The following TTC7B variants were observed in gnomAD, a reference collection of about 807,000 sequenced individuals.
The protein encoded by TTC7B is tetratricopeptide repeat protein 7B.
Under a neutral mutation model 106.8 loss-of-function variants are expected in TTC7B, and 28 were observed. That is an observed-to-expected ratio of 0.26 (90% CI 0.19 to 0.36). The LOEUF is 0.36. TTC7B is among the 10% of genes least tolerant of loss of function. The pLI is 1.00. For missense variants in TTC7B, 862 were observed against 1,076.4 expected, an observed-to-expected ratio of 0.80 and a Z score of 2.79; for synonymous variants, 405 against 430.6, an observed-to-expected ratio of 0.94 and a Z score of 0.74.
At chr14:90,726,727 T>G (rs1889117137) in intron 5 of TTC7B, among the ~76,000 whole-genome samples, 1 of 152,106 alleles carries the variant, frequency 6.6e-6, no homozygotes, top group African/African-American at 2.4e-5. Flanking sequence ...CACAAGCGCT[T>G]GCTTTGGCGA....
chr14:90,747,500 G>T (rs1338524779), intron 3 of TTC7B, among the ~76,000 whole-genome samples: 1 of 152,200 alleles, frequency 6.6e-6, no homozygotes, highest in Non-Finnish European at 1.5e-5. Flanking sequence ...ACAGTCCAGA[G>T]AACACACCCG....
intron 15 of TTC7B, among the ~76,000 whole-genome samples, chr14:90,621,304 C>T (rs989900104): frequency 6.1e-5 from 9 of 148,382 alleles, no homozygotes; most frequent in Non-Finnish European, 1.3e-4. Flanking sequence ...TAGGCAGAGG[C>T]CACGCGGGTA....
chr14:90,727,719 G>A (rs1889162993), intron 5 of TTC7B, among the ~76,000 whole-genome samples: 2 of 152,212 alleles, frequency 1.3e-5, no homozygotes, highest in Non-Finnish European at 2.9e-5. Context: ...TATTTCTAAA[G>A]AAAAACATTG....
chr14:90,675,042 G>A (rs1264254152), intron 9 of TTC7B: 1 of 152,372 alleles, frequency 6.6e-6, no homozygotes, highest in East Asian at 1.9e-4. Context: ...ACAGCTTGCA[G>A]AGGAAACCAC....
Position 90,570,299 on chromosome 14 carries a change from A to T in TTC7B, c.2310+7807T>A, listed in dbSNP as rs1345223802. ...GCTGCATCATCCAATCCTGCCTCGA[A>T]GTCATTTCCCGCACTCATTTGGTCA... On this transcript the variant is annotated intron_variant, in intron 19 of 19. Transcript: ENST00000328459. The surrounding 1 kb of genome is among the most constrained non-coding windows in gnomAD (Gnocchi z 4.0). Among the ~76,000 whole-genome samples the T allele has an allele frequency of 6.6e-6, 1 of 152,228 alleles. No homozygotes were observed. The highest frequency in any genetic ancestry group is 2.4e-5 in the African/African-American group (1 of 41,456).
chr14:90,721,157 C>A (rs796616255), intron 5 of TTC7B, among the ~76,000 whole-genome samples: 8 of 152,242 alleles, frequency 5.3e-5, no homozygotes, highest in African/African-American at 1.9e-4. Context: ...AATCACTAAC[C>A]TCCTCCCCGA....
At chr14:90,796,650 GGGAGTAC>G (rs2029888449) in intron 1 of TTC7B, among the ~76,000 whole-genome samples, 1 of 152,148 alleles carries the variant, frequency 6.6e-6, no homozygotes, top group African/African-American at 2.4e-5. Flanking sequence ...CTCTATTCCT[GGGAGTAC>G]TTGACACCAA....
intron 10 of TTC7B, 77 bp downstream of exon 10, chr14:90,658,227 G>T: frequency 8.0e-7 from 1 of 1,246,832 alleles, no homozygotes. Context: ...CTATCATTCC[G>T]TGCAATTCCA....
At chr14:90,574,504 G>A (rs1595171116) in intron 19 of TTC7B, among the ~76,000 whole-genome samples, 1 of 152,316 alleles carries the variant, frequency 6.6e-6, no homozygotes, top group East Asian at 1.9e-4. Context: ...ACACATACAT[G>A]AAGGCTAAAG....
intron 19 of TTC7B, chr14:90,567,507 C>T (rs534825748): frequency 4.6e-5 from 7 of 152,322 alleles, no homozygotes; most frequent in East Asian, 3.9e-4. Context: ...AAACTCCCCC[C>T]GTCCATCAGA....
In TTC7B at chr14:90,802,481, G is replaced by A. The variant is rs1178183843; in HGVS notation, c.121+13694C>T. On this transcript the variant is annotated intron_variant, in intron 1 of 19. Transcript: ENST00000328459. The surrounding 1 kb of genome is among the most constrained non-coding windows in gnomAD (Gnocchi z 4.7). ...CAAGCAGTGACAGAGGGCGCCAGCAGTGACAGAGGGGAAAGCTGGTCGAGT... is the reference window on the plus strand; with the variant it reads ...CAAGCAGTGACAGAGGGCGCCAGCAATGACAGAGGGGAAAGCTGGTCGAGT... Among the ~76,000 whole-genome samples, 1 of 151,952 alleles carries A rather than the reference G, an allele frequency of 6.6e-6. No homozygotes were observed. The highest frequency in any genetic ancestry group is 1.9e-4 in the East Asian group (1 of 5,168).
chr14:90,612,223 A>G (rs1892903022), intron 16 of TTC7B, among the ~76,000 whole-genome samples: 2 of 152,204 alleles, frequency 1.3e-5, no homozygotes, highest in African/African-American at 4.8e-5. Context: ...TGCTCTTTCA[A>G]TTGTTTCCAT....
Position 90,802,010 on chromosome 14 carries a change from A to G in TTC7B, c.121+14165T>C, listed in dbSNP as rs2030300555. ...CTGGAGGTGGAGGTTGCAGTGAGCC[A>G]AGATCGTGCCATTGTACTCCAGCCT... On this transcript the variant is annotated intron_variant, in intron 1 of 19. Coordinates refer to ENST00000328459, the MANE Select transcript of TTC7B (RefSeq NM_001010854.2). The surrounding 1 kb of genome is among the most constrained non-coding windows in gnomAD (Gnocchi z 4.7). Among the ~76,000 whole-genome samples the G allele has an allele frequency of 6.6e-6, 1 of 152,118 alleles. No individual in the cohort carries two copies. Among genetic ancestry groups the G allele is most frequent in the South Asian group, 2.1e-4 (1 of 4,816 alleles).
intron 5 of TTC7B, among the ~76,000 whole-genome samples, chr14:90,711,852 A>G (rs536335694): frequency 2.0e-5 from 3 of 152,362 alleles, no homozygotes; most frequent in Non-Finnish European, 2.9e-5. Context: ...CAAAAAAGAC[A>G]TAAGACATAC....
At position 90,720,929 on chromosome 14, in the gene TTC7B, T is replaced by C. The variant is rs539074100; in HGVS notation, c.698+9146A>G. ...TAAATATTTGACAGATGAATAAATA[T>C]GTGAATGGATAAACAAACAAGCACG... On this transcript the variant is annotated intron_variant, in intron 5 of 19. Transcript: ENST00000328459. 3.6e-4 allele frequency among the ~76,000 whole-genome samples: 55 copies of C among 152,284 alleles called. No individual in the cohort carries two copies. The South Asian group carries it at 4.1e-3, about 11-fold the overall frequency.
At position 90,646,849 on chromosome 14, in the gene TTC7B, A is replaced by G. The variant is rs117412162; in HGVS notation, c.1590+102T>C. ...GGTTCCTGGCTCCAGGTCAGCCTCA[A>G]TGGAATAAAGGAAGATCACCTACCA... On this transcript the variant is annotated intron_variant, in intron 14 of 19. Transcript: ENST00000328459. 750 of 1,108,708 alleles carry G rather than the reference A, an allele frequency of 6.8e-4. 10 individuals carry two copies. The East Asian group carries it at 0.014, about 21-fold the overall frequency. 68.7% of individuals were successfully genotyped at this position (1,108,708 alleles called of 1,614,324 possible).
chr14:90,682,236 C>T (rs1887080692), intron 7 of TTC7B, among the ~76,000 whole-genome samples: 1 of 152,138 alleles, frequency 6.6e-6, no homozygotes, highest in South Asian at 2.1e-4. Flanking sequence ...TGGCTAATCT[C>T]CAAATTCTGT....
intron 9 of TTC7B, among the ~76,000 whole-genome samples, chr14:90,667,730 T>C (rs1235880210): frequency 6.6e-6 from 1 of 152,156 alleles, no homozygotes; most frequent in Admixed American, 6.5e-5. Context: ...CTAAAGGAAC[T>C]GGGGGCACTT....
chr14:90,541,029 T>C lies in TTC7B; in HGVS notation c.*339A>G. The C allele has an allele frequency of 3.8e-6, 1 of 264,154 alleles. No homozygotes were observed. The highest frequency in any genetic ancestry group is 7.0e-5 in the East Asian group (1 of 14,372). The allele number at this position is 264,154 out of a possible 1,614,324, so 16.4% of individuals were successfully genotyped here. A position where few individuals can be genotyped will look rare whatever the true frequency, so the allele number is the denominator to read the frequency against. On this transcript the variant is annotated 3_prime_UTR_variant, in exon 20 of 20. Transcript: ENST00000328459. ...TGATAAAAATAATCTGTGCTGCCAC[T>C]GAATTTTAACTTTGAATATATTCTT...
Sources: allele counts gnomAD v4.1 joint callset (sites outside exome capture counted in the v4.1 genomes callset), GRCh38; gene constraint gnomAD v4.1.1; non-coding constraint Gnocchi (gnomAD v3.1); transcripts MANE v1.5; gene names NCBI Gene and HGNC (gene_info 2026-07-23, HGNC 2026-07-21).